The following MACROD2 variants were observed in gnomAD, a reference collection of about 807,000 sequenced individuals.
MACROD2 encodes mono-ADP ribosylhydrolase 2, also known as ADP-ribose glycohydrolase MACROD2.
Under a neutral mutation model 70.4 loss-of-function variants are expected in MACROD2, and 36 were observed. The observed-to-expected ratio is 0.51, with a 90% CI of 0.39 to 0.68. The LOEUF is 0.68. Ranked by LOEUF, MACROD2 falls within the 30% of genes least tolerant of loss-of-function variation. The pLI is 0.00. For missense variants in MACROD2, 496 were observed against 538.4 expected, an observed-to-expected ratio of 0.92 and a Z score of 0.78; for synonymous variants, 172 against 178.8, an observed-to-expected ratio of 0.96 and a Z score of 0.30.
At chr20:14,300,299 T>C (rs1215910702) in intron 3 of MACROD2, among the ~76,000 whole-genome samples, 1 of 152,250 alleles carries the variant, frequency 6.6e-6, no homozygotes, top group East Asian at 1.9e-4. Flanking sequence ...TCACAACTAT[T>C]CACAAGTATT....
intron 3 of MACROD2, among the ~76,000 whole-genome samples, chr20:14,188,468 AAT>A (rs1465044798): frequency 6.6e-6 from 1 of 152,154 alleles, no homozygotes; most frequent in Admixed American, 6.5e-5. Context: ...TCTAAAGATA[AAT>A]ATGTTTTATA....
chr20:15,052,397 A>G (rs2123056356), intron 5 of MACROD2, among the ~76,000 whole-genome samples: 1 of 152,338 alleles, frequency 6.6e-6, no homozygotes, highest in Admixed American at 6.5e-5. Context: ...GCCTATTGGC[A>G]CCACTTTTTA....
intron 6 of MACROD2, among the ~76,000 whole-genome samples, chr20:15,345,261 C>A (rs1339293648): frequency 6.6e-6 from 1 of 152,162 alleles, no homozygotes; most frequent in Admixed American, 6.5e-5. Context: ...ATTAACTGAA[C>A]CATGTGTGTT....
intron 5 of MACROD2, chr20:14,895,147 G>A (rs1478618793): frequency 1.3e-5 from 2 of 152,160 alleles, no homozygotes; most frequent in Non-Finnish European, 2.9e-5. Context: ...AATATTCTGT[G>A]TGAGATCTAT....
intron 3 of MACROD2, among the ~76,000 whole-genome samples, chr20:14,350,655 T>C (rs2083115034): frequency 6.6e-6 from 1 of 152,198 alleles, no homozygotes. Context: ...TTCTGGTTAT[T>C]AATCCCTTGT....
intron 8 of MACROD2, among the ~76,000 whole-genome samples, chr20:15,710,766 C>A (rs1490649059): frequency 1.3e-5 from 2 of 152,186 alleles, no homozygotes; most frequent in East Asian, 3.9e-4. Flanking sequence ...TCTGTCACTG[C>A]TGTTTTTGGC....
chr20:15,995,706 A>T (rs1330898816), intron 15 of MACROD2, among the ~76,000 whole-genome samples: 1 of 139,726 alleles, frequency 7.2e-6, no homozygotes, highest in African/African-American at 2.7e-5. Context: ...GAGATCACAC[A>T]GTGTTTGTCT....
intron 4 of MACROD2, among the ~76,000 whole-genome samples, chr20:14,500,500 G>T (rs2084904790): frequency 6.6e-6 from 1 of 152,128 alleles, no homozygotes; most frequent in Non-Finnish European, 1.5e-5. Context: ...GTTTAACTTA[G>T]CCCTGATTGC....
chr20:15,392,056 G>T (rs1201292698), intron 6 of MACROD2, among the ~76,000 whole-genome samples: 1 of 152,036 alleles, frequency 6.6e-6, no homozygotes, highest in Non-Finnish European at 1.5e-5. Context: ...CTATGGAAAT[G>T]GGAAGCAAAG....
At chr20:14,332,721 A>G (rs556903492) in intron 3 of MACROD2, among the ~76,000 whole-genome samples, 2 of 152,146 alleles carry the variant, frequency 1.3e-5, no homozygotes, top group African/African-American at 4.8e-5. Context: ...AGTTAGTTGC[A>G]TTGTTTTAAG....
chr20:14,662,231 A>G (rs2123537042), intron 4 of MACROD2, among the ~76,000 whole-genome samples: 1 of 152,196 alleles, frequency 6.6e-6, no homozygotes, highest in Middle Eastern at 3.4e-3. Flanking sequence ...ACAATAACAC[A>G]CAGTAGGGAA....
At chr20:14,953,536 A>C (rs2074492573) in intron 5 of MACROD2, among the ~76,000 whole-genome samples, 1 of 152,036 alleles carries the variant, frequency 6.6e-6, no homozygotes, top group South Asian at 2.1e-4. Flanking sequence ...CGATCTCCTG[A>C]CCTCATGGTC....
intron 8 of MACROD2, among the ~76,000 whole-genome samples, chr20:15,622,114 C>T (rs887492323): frequency 4.6e-5 from 7 of 152,116 alleles, no homozygotes; most frequent in African/African-American, 9.7e-5. Flanking sequence ...TCGTCTTGAA[C>T]GGAACAGTTG....
At chr20:15,302,352 C>A (rs2077653352) in intron 6 of MACROD2, among the ~76,000 whole-genome samples, 1 of 102,646 alleles carries the variant, frequency 9.7e-6, no homozygotes, top group East Asian at 2.9e-4. Context: ...TGACCCTGGG[C>A]AGATAAAATA....
chr20:15,433,035 G>T (rs572059714), intron 7 of MACROD2, among the ~76,000 whole-genome samples: 127 of 151,844 alleles, frequency 8.4e-4, no homozygotes, highest in African/African-American at 2.8e-3. Context: ...AACAAAATGG[G>T]CATAGAAGGG....
At chr20:15,507,309 T>C (rs1011166310) in intron 8 of MACROD2, among the ~76,000 whole-genome samples, 1 of 151,346 alleles carries the variant, frequency 6.6e-6, no homozygotes, top group Non-Finnish European at 1.5e-5. Context: ...TCTTTCTTCC[T>C]TCCTCCCTCC....
intron 8 of MACROD2, among the ~76,000 whole-genome samples, chr20:15,522,428 GTAAACCCC>G (rs1182815860): frequency 2.6e-5 from 4 of 152,202 alleles, no homozygotes; most frequent in African/African-American, 9.7e-5. Flanking sequence ...CAAATCACTA[GTAAACCCC>G]TGCTACAGTT....
chr20:15,376,102 CAGGTTAAG>C (rs2045559059), intron 6 of MACROD2, among the ~76,000 whole-genome samples: 1 of 152,114 alleles, frequency 6.6e-6, no homozygotes. Context: ...CTTGTCAGAG[CAGGTTAAG>C]AGGTTAAGAG....
intron 8 of MACROD2, among the ~76,000 whole-genome samples, chr20:15,524,926 A>G (rs1014346440): frequency 6.6e-5 from 10 of 152,358 alleles, no homozygotes; most frequent in Non-Finnish European, 1.0e-4. Context: ...TCTACTGAAT[A>G]GTCCAAGTCC....
Sources: gnomAD v4.1 joint callset for allele counts (sites outside exome capture counted in the v4.1 genomes callset) on GRCh38, gnomAD v4.1.1 for gene constraint, MANE v1.5 for transcripts, NCBI Gene and HGNC (gene_info 2026-07-23, HGNC 2026-07-21) for gene names.